Variants in SLAIN2 observed in about 807,000 individuals in gnomAD.
SLAIN2 encodes the protein SLAIN motif-containing protein 2.
SLAIN2 carries 31 observed loss-of-function variants against 56.6 expected under a neutral mutation model. The observed-to-expected ratio is 0.55, with a 90% CI of 0.41 to 0.74. The LOEUF is 0.74. Among genes scored for constraint, SLAIN2 ranks in the 30% least tolerant of loss-of-function variants. The pLI is 0.00. For synonymous variants in SLAIN2, 317 were observed against 284.9 expected (o/e 1.11, Z -1.13); for missense variants, 777 against 754.2 (o/e 1.03, Z -0.35).
intron 6 of SLAIN2, among the ~76,000 whole-genome samples, chr4:48,412,387 C>CACAA (rs979376286): frequency 2.5e-5 from 2 of 79,576 alleles, no homozygotes; most frequent in Non-Finnish European, 5.8e-5. Flanking sequence ...CACACACACA[C>CACAA]ACACACACAC....
chr4:48,375,279 T>C (rs564217079), intron 2 of SLAIN2, among the ~76,000 whole-genome samples: 1 of 152,206 alleles, frequency 6.6e-6, no homozygotes, highest in African/African-American at 2.4e-5. Context: ...TACTGCATAC[T>C]AAATATATAT....
chr4:48,383,604 T>A (rs185885043), intron 5 of SLAIN2, 43 bp from the exon 6 acceptor site: 1 of 1,449,794 alleles, frequency 6.9e-7, no homozygotes, highest in Admixed American at 2.5e-5. Context: ...ATTTTCTCCA[T>A]CTGAAAGAAT....
intron 6 of SLAIN2, among the ~76,000 whole-genome samples, chr4:48,391,994 C>G (rs1716246029): frequency 6.6e-6 from 1 of 152,054 alleles, no homozygotes; most frequent in African/African-American, 2.4e-5. Context: ...TTAAAATAAC[C>G]AAAGAAAGTT....
chr4:48,411,320 C>T (rs949023264), intron 6 of SLAIN2, among the ~76,000 whole-genome samples: 7 of 152,142 alleles, frequency 4.6e-5, no homozygotes, highest in Non-Finnish European at 1.0e-4. Flanking sequence ...TGGAAGAAAT[C>T]TGTACCACAT....
chr4:48,418,685 C>T (rs752818072), intron 6 of SLAIN2, among the ~76,000 whole-genome samples: 2 of 152,124 alleles, frequency 1.3e-5, no homozygotes, highest in African/African-American at 2.4e-5. Flanking sequence ...GGGACATGTT[C>T]TTTCCTATTT....
chr4:48,398,523 G>A (rs543638874), intron 6 of SLAIN2, among the ~76,000 whole-genome samples: 1 of 152,182 alleles, frequency 6.6e-6, no homozygotes, highest in South Asian at 2.1e-4. Context: ...GTCAGTTTTT[G>A]CGTTTGTTGC....
At chr4:48,372,951 C>T (rs1715708007) in intron 2 of SLAIN2, among the ~76,000 whole-genome samples, 1 of 151,958 alleles carries the variant, frequency 6.6e-6, no homozygotes, top group African/African-American at 2.4e-5. Flanking sequence ...TGCTGTATTG[C>T]AGCAGAACAG....
intron 6 of SLAIN2, among the ~76,000 whole-genome samples, chr4:48,418,077 C>A (rs373448543): frequency 1.3e-5 from 1 of 76,344 alleles, no homozygotes; most frequent in Non-Finnish European, 3.1e-5. Context: ...ATTATTATTT[C>A]TTCTTCTTCT....
At chr4:48,346,111 T>C (rs1266380361) in intron 1 of SLAIN2, among the ~76,000 whole-genome samples, 3 of 152,260 alleles carry the variant, frequency 2.0e-5, no homozygotes, top group African/African-American at 7.2e-5. Context: ...GTTGATTTGT[T>C]TGGACTTGTT....
At chr4:48,385,725 C>G (rs1370024738) in intron 6 of SLAIN2, among the ~76,000 whole-genome samples, 1 of 151,582 alleles carries the variant, frequency 6.6e-6, no homozygotes, top group African/African-American at 2.4e-5. Context: ...CCTCACCTTC[C>G]TGGGCTCAAG....
intron 6 of SLAIN2, among the ~76,000 whole-genome samples, chr4:48,396,075 T>C (rs574255356): frequency 6.6e-6 from 1 of 152,214 alleles, no homozygotes; most frequent in Non-Finnish European, 1.5e-5. Context: ...GTTGCTGTGT[T>C]GATCAGGTTA....
intron 6 of SLAIN2, among the ~76,000 whole-genome samples, chr4:48,418,087 TTCTTCCTCTTCC>T (rs1388510398): frequency 7.9e-5 from 12 of 151,478 alleles, no homozygotes; most frequent in Admixed American, 5.9e-4. Context: ...CTTCTTCTTC[TTCTTCCTCTTCC>T]TCCTCTTCCT....
At chr4:48,362,882 G>A (rs1243535107) in intron 1 of SLAIN2, among the ~76,000 whole-genome samples, 1 of 95,916 alleles carries the variant, frequency 1.0e-5, no homozygotes, top group Non-Finnish European at 2.1e-5. Flanking sequence ...AAAGGTCTCT[G>A]GTTTTCCTAG....
chr4:48,410,838 C>T (rs1292187468), intron 6 of SLAIN2, among the ~76,000 whole-genome samples: 3 of 152,248 alleles, frequency 2.0e-5, no homozygotes, highest in Admixed American at 6.5e-5. Context: ...TGAGAAATAC[C>T]CTCACATCTT....
intron 6 of SLAIN2, among the ~76,000 whole-genome samples, chr4:48,411,110 A>G (rs766867570): frequency 3.3e-5 from 5 of 151,720 alleles, no homozygotes; most frequent in Middle Eastern, 3.4e-3. Context: ...GTGTGTGTGT[A>G]TGTGTGTGTG....
chr4:48,359,179 A>C (rs1285110945), intron 1 of SLAIN2, among the ~76,000 whole-genome samples: 2 of 152,150 alleles, frequency 1.3e-5, no homozygotes, highest in Non-Finnish European at 2.9e-5. Context: ...ATTCAGATCC[A>C]AATATTTGAA....
chr4:48,405,994 T>C (rs942757931), intron 6 of SLAIN2, among the ~76,000 whole-genome samples: 1 of 152,220 alleles, frequency 6.6e-6, no homozygotes, highest in Non-Finnish European at 1.5e-5. Flanking sequence ...TTTCAGGTCA[T>C]TCTAGATGTT....
At chr4:48,413,313 A>G (rs1277891043) in intron 6 of SLAIN2, among the ~76,000 whole-genome samples, 1 of 151,966 alleles carries the variant, frequency 6.6e-6, no homozygotes, top group Non-Finnish European at 1.5e-5. Context: ...GAATCTGGAG[A>G]CCTGGGTTCA....
At chr4:48,419,029 C>T (rs80248259) in intron 6 of SLAIN2, among the ~76,000 whole-genome samples, 4,525 of 152,052 alleles carry the variant, frequency 0.03, 74 homozygotes, top group Admixed American at 0.046. Context: ...TGTTGATGGA[C>T]ATTTGAGCTT....
Sources: allele counts gnomAD v4.1 joint callset (sites outside exome capture counted in the v4.1 genomes callset), GRCh38; gene constraint gnomAD v4.1.1; transcripts MANE v1.5; gene names NCBI Gene and HGNC (gene_info 2026-07-23, HGNC 2026-07-21).